The following NSMCE2 variants were observed in gnomAD, a reference collection of about 807,000 sequenced individuals.
The protein encoded by NSMCE2 is NSE2 SUMO ligase component of SMC5/6 complex, also known as E3 SUMO-protein ligase NSE2.
NSMCE2 carries 24 observed loss-of-function variants against 23.8 expected under a neutral mutation model. That is an observed-to-expected ratio of 1.01 (90% CI 0.73 to 1.42). The LOEUF is 1.42. Among genes scored for constraint, NSMCE2 ranks in the 40% most tolerant of loss-of-function variants. The pLI, the probability that NSMCE2 is intolerant of heterozygous loss-of-function variation, is 0.00. For missense variants in NSMCE2, 284 were observed against 296.5 expected, an observed-to-expected ratio of 0.96 and a Z score of 0.31; for synonymous variants, 92 against 94.1, an observed-to-expected ratio of 0.98 and a Z score of 0.13.
At chr8:125,217,465 A>G (rs1449220338) in intron 5 of NSMCE2, among the ~76,000 whole-genome samples, 1 of 152,028 alleles carries the variant, frequency 6.6e-6, no homozygotes, top group Non-Finnish European at 1.5e-5. Context: ...GGTTCATGCC[A>G]TTCTCCTGTC....
chr8:125,263,758 A>C (rs1826797436), intron 5 of NSMCE2, among the ~76,000 whole-genome samples: 1 of 149,314 alleles, frequency 6.7e-6, no homozygotes, highest in African/African-American at 2.5e-5. Context: ...TCAAAAAAAA[A>C]CAAAAAAAAA....
chr8:125,121,437 A>C (rs1278481677), intron 3 of NSMCE2, among the ~76,000 whole-genome samples: 1 of 152,128 alleles, frequency 6.6e-6, no homozygotes, highest in Non-Finnish European at 1.5e-5. Context: ...TTTTATGTTG[A>C]TCAGTCACCA....
chr8:125,156,942 G>A (rs1821352126), intron 4 of NSMCE2, among the ~76,000 whole-genome samples: 1 of 152,104 alleles, frequency 6.6e-6, no homozygotes, highest in South Asian at 2.1e-4. Context: ...TTGCAGGTTG[G>A]AAGTTACCAT....
At chr8:125,338,750 G>C (rs1008167845) in intron 5 of NSMCE2, among the ~76,000 whole-genome samples, 3 of 152,180 alleles carry the variant, frequency 2.0e-5, no homozygotes, top group Non-Finnish European at 1.5e-5. Flanking sequence ...TCTGTTGTCA[G>C]TAGTTGGGTT....
chr8:125,335,518 A>C (rs1830040972), intron 5 of NSMCE2, among the ~76,000 whole-genome samples: 1 of 152,222 alleles, frequency 6.6e-6, no homozygotes, highest in South Asian at 2.1e-4. Flanking sequence ...AGAATATTAG[A>C]GATAGTTATG....
chr8:125,327,603 A>G (rs2131288835), intron 5 of NSMCE2, among the ~76,000 whole-genome samples: 1 of 152,220 alleles, frequency 6.6e-6, no homozygotes, highest in East Asian at 1.9e-4. Context: ...GACAAGAGAG[A>G]GGGTAGGTAC....
At chr8:125,094,444 G>A (rs1181253514) in intron 1 of NSMCE2, 1 of 152,150 alleles carries the variant, frequency 6.6e-6, no homozygotes, top group Non-Finnish European at 1.5e-5. Flanking sequence ...TTCAATCTCA[G>A]TCTTAATCTT....
chr8:125,200,877 CTT>C (rs1823841178), intron 5 of NSMCE2, among the ~76,000 whole-genome samples: 2 of 152,132 alleles, frequency 1.3e-5, no homozygotes, highest in African/African-American at 4.8e-5. Context: ...TCTTTTTACT[CTT>C]TTTTCTCTAA....
intron 4 of NSMCE2, chr8:125,155,893 TC>T (rs1821279581): frequency 1.3e-4 from 56 of 437,844 alleles, no homozygotes; most frequent in South Asian, 8.8e-4. Context: ...ACCTTAATTC[TC>T]ACAGGGAAAA....
In NSMCE2 at chr8:125,323,795, T is replaced by C. The variant is rs952807528; in HGVS notation, c.419-33424T>C. On this transcript the variant is annotated intron_variant, in intron 5 of 7. Coordinates refer to ENST00000287437, the MANE Select transcript of NSMCE2 (RefSeq NM_173685.4). ...AAGAGCAATCCACATTTTTAAAAATTATAATTTAGACTTCATCAAAATTAG... is the reference window on the plus strand; with the variant it reads ...AAGAGCAATCCACATTTTTAAAAATCATAATTTAGACTTCATCAAAATTAG... 2.6e-5 allele frequency among the ~76,000 whole-genome samples: 4 copies of C among 152,196 alleles called. No homozygotes were observed. In the East Asian group the frequency reaches 7.7e-4, roughly 29 times the overall value.
intron 5 of NSMCE2, among the ~76,000 whole-genome samples, chr8:125,211,998 A>G (rs190810440): frequency 6.6e-6 from 1 of 152,204 alleles, no homozygotes; most frequent in African/African-American, 2.4e-5. Flanking sequence ...CTTACATGTC[A>G]TAGTGCTCTG....
intron 4 of NSMCE2, among the ~76,000 whole-genome samples, chr8:125,158,478 A>G (rs537045951): frequency 2.8e-4 from 42 of 152,262 alleles, no homozygotes; most frequent in Admixed American, 2.7e-3. Context: ...CAGGAAACGC[A>G]TATGGACCTT....
chr8:125,237,796 G>A (rs758506200), intron 5 of NSMCE2, among the ~76,000 whole-genome samples: 8 of 152,226 alleles, frequency 5.3e-5, no homozygotes, highest in Non-Finnish European at 1.0e-4. Context: ...TGTTGGCACA[G>A]ACTGCTGGAT....
intron 5 of NSMCE2, among the ~76,000 whole-genome samples, chr8:125,205,335 A>G (rs983933700): frequency 1.3e-5 from 2 of 152,224 alleles, no homozygotes; most frequent in African/African-American, 4.8e-5. Flanking sequence ...ATTTGAGGCA[A>G]ATTTTATGGT....
intron 3 of NSMCE2, among the ~76,000 whole-genome samples, chr8:125,138,435 A>G (rs1185182327): frequency 6.6e-6 from 1 of 151,964 alleles, no homozygotes; most frequent in East Asian, 1.9e-4. Context: ...TTTGTTGCCC[A>G]GGCTGGTCTC....
At chr8:125,307,716 G>C (rs1190901716) in intron 5 of NSMCE2, among the ~76,000 whole-genome samples, 2 of 152,178 alleles carry the variant, frequency 1.3e-5, no homozygotes, top group Non-Finnish European at 2.9e-5. Context: ...ACCCCACAAA[G>C]TAGAGGTATA....
chr8:125,148,438 C>T (rs1478075163), intron 3 of NSMCE2, among the ~76,000 whole-genome samples: 1 of 152,186 alleles, frequency 6.6e-6, no homozygotes, highest in Non-Finnish European at 1.5e-5. Context: ...ATTCTGAATG[C>T]TTTCAGAAAT....
At chr8:125,343,704 T>C (rs769096256) in intron 5 of NSMCE2, among the ~76,000 whole-genome samples, 5 of 152,012 alleles carry the variant, frequency 3.3e-5, no homozygotes, top group Non-Finnish European at 5.9e-5. Flanking sequence ...GTTTAAAATA[T>C]TACAACTGCT....
intron 3 of NSMCE2, among the ~76,000 whole-genome samples, chr8:125,114,617 G>T (rs192367734): frequency 1.7e-4 from 26 of 152,310 alleles, no homozygotes; most frequent in Non-Finnish European, 2.6e-4. Flanking sequence ...CGGGGATGCG[G>T]GGAGCATGTG....
Sources: gnomAD v4.1 joint callset for allele counts (sites outside exome capture counted in the v4.1 genomes callset) on GRCh38, gnomAD v4.1.1 for gene constraint, MANE v1.5 for transcripts, NCBI Gene and HGNC (gene_info 2026-07-23, HGNC 2026-07-21) for gene names.